Variants in SAMD12 observed in about 807,000 individuals in gnomAD.
SAMD12 encodes sterile alpha motif domain containing 12, also known as sterile alpha motif domain-containing protein 12.
A neutral mutation model predicts 15.0 loss-of-function variants in SAMD12; 9 were observed. The ratio of observed to expected loss-of-function variants is 0.60; its 90% CI spans 0.36 to 1.05. The LOEUF is 1.05. Ranked by LOEUF, SAMD12 falls within the 50% of genes least tolerant of loss-of-function variation. The pLI, the probability that SAMD12 is intolerant of heterozygous loss-of-function variation, is 0.01. For synonymous variants in SAMD12, 86 were observed against 90.1 expected (o/e 0.96, Z 0.25); for missense variants, 230 against 234.2 (o/e 0.98, Z 0.12).
chr8:118,379,742 C>T (rs749284875), intron 3 of SAMD12, 42 bp from the exon 4 acceptor site: 4 of 1,593,230 alleles, frequency 2.5e-6, no homozygotes, highest in Admixed American at 3.5e-5. Context: ...AAATGAACTA[C>T]TTGCTGAAGA....
chr8:118,312,058 A>G (rs7828165), intron 4 of SAMD12, among the ~76,000 whole-genome samples: 72,807 of 151,994 alleles, frequency 0.48, 20,032 homozygotes, highest in African/African-American at 0.77. Flanking sequence ...TTTGCCTTAG[A>G]AATGTGCCCA....
chr8:118,493,564 G>C (rs1374563020), intron 2 of SAMD12, among the ~76,000 whole-genome samples: 3 of 152,162 alleles, frequency 2.0e-5, no homozygotes, highest in Admixed American at 2.0e-4. Context: ...AGAGCAATAA[G>C]GACTTTGCAA....
intron 3 of SAMD12, among the ~76,000 whole-genome samples, chr8:118,420,052 G>T (rs555335436): frequency 6.6e-6 from 1 of 152,186 alleles, no homozygotes; most frequent in Non-Finnish European, 1.5e-5. Flanking sequence ...CTCAAGGGTG[G>T]CATCTACAGA....
In SAMD12 at chr8:118,584,330, T is replaced by TA. The variant is rs201565013; in HGVS notation, c.14-3438dup. 9.0e-3 allele frequency among the ~76,000 whole-genome samples: 1,368 copies of TA among 152,360 alleles called. 17 individuals are homozygous for TA. The highest frequency in any genetic ancestry group is 0.029 in the African/African-American group (1,219 of 41,580). On this transcript the variant is annotated intron_variant, in intron 1 of 3. Transcript: ENST00000314727. ...ATCAAACAACTCTCCAATGGCCTCT[T>TA]ACAATGCATGACCTCCATCTCTTTG...
intron 3 of SAMD12, among the ~76,000 whole-genome samples, chr8:118,386,593 G>C (rs744082): frequency 0.051 from 7,691 of 152,166 alleles, 643 homozygotes; most frequent in African/African-American, 0.17. Flanking sequence ...TTCTGACTAC[G>C]GCACAGGGTT....
At chr8:118,585,885 A>T (rs1205598405) in intron 1 of SAMD12, among the ~76,000 whole-genome samples, 2 of 152,200 alleles carry the variant, frequency 1.3e-5, no homozygotes, top group Non-Finnish European at 2.9e-5. Flanking sequence ...ATGCTAGAAG[A>T]GTTGAGGGGT....
At chr8:118,277,635 A>C (rs1232745803) in intron 4 of SAMD12, among the ~76,000 whole-genome samples, 1 of 152,108 alleles carries the variant, frequency 6.6e-6, no homozygotes, top group African/African-American at 2.4e-5. Flanking sequence ...TTATTTAGGA[A>C]TCAGGGAAAC....
intron 1 of SAMD12, among the ~76,000 whole-genome samples, chr8:118,584,849 G>A (rs2514584): frequency 0.87 from 132,346 of 151,842 alleles, 57,709 homozygotes; most frequent in African/African-American, 0.9. Flanking sequence ...CCCCCTGTGG[G>A]AAACAGTATG....
At position 118,348,732 on chromosome 8, in the gene SAMD12, T is replaced by C. The variant is rs188293080; in HGVS notation, c.433+30828A>G. On this transcript the variant is annotated intron_variant, in intron 4 of 4. Coordinates refer to the SAMD12 transcript ENST00000409003. ...TTTCCAGCTCAAGCTGTTTTGATCC[T>C]TTGCTCCGTGCTATGAATCACAGGA... is the stretch of plus-strand genomic sequence containing the variant. Among the ~76,000 whole-genome samples, 307 of 152,330 alleles carry C rather than the reference T, an allele frequency of 2.0e-3. 2 individuals carry two copies. The highest frequency in any genetic ancestry group is 7.2e-3 in the African/African-American group (299 of 41,576).
At chr8:118,146,595 G>A in the SAMD12 span, among the ~76,000 whole-genome samples, 5,146 of 152,188 alleles carry the variant, frequency 0.034, 275 homozygotes, top group African/African-American at 0.12. Context: ...CCCATTGCTC[G>A]TTTGTCCACT....
At chr8:118,292,079 G>A (rs1219422161) in intron 4 of SAMD12, among the ~76,000 whole-genome samples, 1 of 151,484 alleles carries the variant, frequency 6.6e-6, no homozygotes, top group Non-Finnish European at 1.5e-5. Flanking sequence ...AGAATCAGGG[G>A]ATCTTGGTAA....
At chr8:118,163,181 C>A in the SAMD12 span, among the ~76,000 whole-genome samples, 3 of 152,004 alleles carry the variant, frequency 2.0e-5, no homozygotes, top group Non-Finnish European at 4.4e-5. Flanking sequence ...GGGACGTCAT[C>A]ACAGCTCACT....
At chr8:118,339,828 C>A (rs1817261981) in intron 4 of SAMD12, among the ~76,000 whole-genome samples, 1 of 152,216 alleles carries the variant, frequency 6.6e-6, no homozygotes, top group African/African-American at 2.4e-5. Flanking sequence ...TCCTCCAGGG[C>A]ACGTTTTCAC....
At chr8:118,281,350 G>C (rs967314503) in intron 4 of SAMD12, among the ~76,000 whole-genome samples, 1 of 152,114 alleles carries the variant, frequency 6.6e-6, no homozygotes, top group Non-Finnish European at 1.5e-5. Context: ...CCCTTCCTTC[G>C]ATGGCTTTTC....
intron 4 of SAMD12, among the ~76,000 whole-genome samples, chr8:118,336,314 T>C (rs1388814950): frequency 2.0e-5 from 3 of 152,218 alleles, no homozygotes; most frequent in African/African-American, 7.2e-5. Context: ...CTCTCTTCTA[T>C]GGATAGGTCA....
chr8:118,315,127 C>T (rs554017553), intron 4 of SAMD12, among the ~76,000 whole-genome samples: 5 of 152,292 alleles, frequency 3.3e-5, no homozygotes, highest in African/African-American at 1.2e-4. Flanking sequence ...CTTTAGAGGA[C>T]TGGCTTGGTG....
rs528589644 is a variant in SAMD12, at chr8:118,611,302, C to G, written c.13+10502G>C. ...ACTAAACGACCACAATGTAAAAAGGCTTAGAAAGCAGAAAAAAAATGCTCA... is the reference window on the plus strand; with the variant it reads ...ACTAAACGACCACAATGTAAAAAGGGTTAGAAAGCAGAAAAAAAATGCTCA... On this transcript the variant is annotated intron_variant, in intron 1 of 3. Transcript: ENST00000314727. 5.3e-5 allele frequency among the ~76,000 whole-genome samples: 8 copies of G among 151,912 alleles called. No homozygotes were observed. In the South Asian group the frequency reaches 1.7e-3, roughly 32 times the overall value.
chr8:118,621,963 C>T lies in SAMD12; in HGVS notation c.-147G>A. ...CCTGCCGCGGTCACGCAAAGCGAGGCAGCCGGCTCCCGGCTCGGCGCGCGC... is the reference window on the plus strand; with the variant it reads ...CCTGCCGCGGTCACGCAAAGCGAGGTAGCCGGCTCCCGGCTCGGCGCGCGC... On this transcript the variant is annotated 5_prime_UTR_variant, in exon 1 of 4. Transcript: ENST00000314727. 2 of 988,010 alleles carry T rather than the reference C, an allele frequency of 2.0e-6. No homozygotes were observed. Among genetic ancestry groups the T allele is most frequent in the South Asian group, 1.3e-5 (1 of 76,852 alleles). The allele number at this position is 988,010 out of a possible 1,614,324, so 61.2% of individuals were successfully genotyped here. A position where few individuals can be genotyped will look rare whatever the true frequency, so the allele number is the denominator to read the frequency against.
chr8:118,434,682 A>T (rs1822520769), intron 3 of SAMD12, among the ~76,000 whole-genome samples: 1 of 152,234 alleles, frequency 6.6e-6, no homozygotes, highest in Non-Finnish European at 1.5e-5. Flanking sequence ...GGCCTCAGAA[A>T]GCTAGGGACA....
Sources: gnomAD v4.1 joint callset for allele counts (sites outside exome capture counted in the v4.1 genomes callset) on GRCh38, gnomAD v4.1.1 for gene constraint, MANE v1.5 for transcripts, NCBI Gene and HGNC (gene_info 2026-07-23, HGNC 2026-07-21) for gene names.